The following CUX1 variants were observed in gnomAD, a reference collection of about 807,000 sequenced individuals.
The protein encoded by CUX1 is cut like homeobox 1.
In CUX1, 31 loss-of-function variants were observed where a neutral mutation model predicts 158.8. The ratio of observed to expected loss-of-function variants is 0.20; its 90% CI spans 0.15 to 0.26. The LOEUF (loss-of-function observed/expected upper bound fraction) is 0.26, where lower values mean the gene tolerates loss of function less well. Ranked by LOEUF, CUX1 falls within the 10% of genes least tolerant of loss-of-function variation. CUX1 has a pLI of 1.00. For missense variants in CUX1, 1,589 were observed against 2,014.6 expected (o/e 0.79, Z 4.04); for synonymous variants, 879 against 862.1 (o/e 1.02, Z -0.34).
At chr7:101,920,326 G>A (rs181075446) in intron 2 of CUX1, among the ~76,000 whole-genome samples, 3 of 152,168 alleles carry the variant, frequency 2.0e-5, no homozygotes, top group East Asian at 1.9e-4. Context: ...GTTTCACCAT[G>A]TTGCCCAGGC....
At chr7:101,934,209 G>A (rs1187835279) in intron 2 of CUX1, among the ~76,000 whole-genome samples, 2 of 152,202 alleles carry the variant, frequency 1.3e-5, no homozygotes, top group Non-Finnish European at 2.9e-5. Flanking sequence ...AAGTTGTACA[G>A]TATAAATTTG....
chr7:102,196,128 C>T (rs1794773308), intron 14 of CUX1, among the ~76,000 whole-genome samples: 1 of 152,246 alleles, frequency 6.6e-6, no homozygotes, highest in Non-Finnish European at 1.5e-5. Context: ...GCTGGTAAAA[C>T]GCGTACAGGT....
At chr7:102,237,190 A>C (rs1799661700) in intron 22 of CUX1, among the ~76,000 whole-genome samples, 1 of 152,240 alleles carries the variant, frequency 6.6e-6, no homozygotes, top group South Asian at 2.1e-4. Flanking sequence ...TTCTCATGAC[A>C]AAATGGCAAG....
intron 1 of CUX1, among the ~76,000 whole-genome samples, chr7:101,890,523 G>A (rs1372396108): frequency 6.6e-6 from 1 of 152,076 alleles, no homozygotes. Flanking sequence ...GCTCAGCAAG[G>A]CCCGGCACCA....
chr7:101,999,415 C>CATAG (rs1345709008), intron 2 of CUX1, among the ~76,000 whole-genome samples: 1 of 152,050 alleles, frequency 6.6e-6, no homozygotes, highest in African/African-American at 2.4e-5. Flanking sequence ...TGTGCCTAAG[C>CATAG]ATAGCCCTTT....
At position 101,885,906 on chromosome 7, in the gene CUX1, G is replaced by A. The variant is rs144803612; in HGVS notation, c.31-30209G>A. 2.9e-4 allele frequency among the ~76,000 whole-genome samples: 44 copies of A among 152,286 alleles called. No individual in the cohort carries two copies. In the East Asian group the frequency reaches 8.5e-3, roughly 29 times the overall value. ...TCGGTCTCTCCCCACAAGCTCACAG[G>A]GCGGATGCTATTTTCACCGCCGTTT... On this transcript the variant is annotated intron_variant, in intron 1 of 23. Transcript: ENST00000292535.
chr7:102,252,982 C>T lies in CUX1; in HGVS notation c.*3940C>T, dbSNP rs1801675503. 8 of 985,422 alleles carry T rather than the reference C, an allele frequency of 8.1e-6. No individual in the cohort carries two copies. Among genetic ancestry groups the T allele is most frequent in the African/African-American group, 1.7e-5 (1 of 57,344 alleles). The allele number at this position is 985,422 out of a possible 1,614,324, so 61.0% of individuals were successfully genotyped here. On this transcript the variant is annotated 3_prime_UTR_variant, in exon 24 of 24. Coordinates refer to ENST00000292535, the MANE Select transcript of CUX1 (RefSeq NM_181552.4). The stretch of plus-strand genomic sequence containing the variant: ...AGAACTCTCTGAGAAATGCCAGGAT[C>T]GTGGCTCACAGGGACCCACCATCAA...
At position 101,869,279 on chromosome 7, in the gene CUX1, C is replaced by T. The variant is rs1029136260; in HGVS notation, c.31-46836C>T. Among the ~76,000 whole-genome samples the T allele has an allele frequency of 7.9e-5, 12 of 152,130 alleles. No individual in the cohort carries two copies. Among genetic ancestry groups the T allele is most frequent in the African/African-American group, 1.7e-4 (7 of 41,430 alleles). ...GGAGCATCACTGTGTCCAGAGGACG[C>T]GGTGCCTTTCAGACCCCTTGAGTAA... On this transcript the variant is annotated intron_variant, in intron 1 of 23. Coordinates refer to ENST00000292535, the MANE Select transcript of CUX1 (RefSeq NM_181552.4). The surrounding 1 kb of genome is among the most constrained non-coding windows in gnomAD (Gnocchi z 4.5).
chr7:102,061,009 C>T (rs887059786), intron 3 of CUX1, among the ~76,000 whole-genome samples: 1 of 149,400 alleles, frequency 6.7e-6, no homozygotes, highest in African/African-American at 2.5e-5. Flanking sequence ...ACTGCAACCT[C>T]CGCCTCCAGG....
intron 1 of CUX1, among the ~76,000 whole-genome samples, chr7:101,829,359 GC>G (rs1793728363): frequency 6.6e-6 from 1 of 152,098 alleles, no homozygotes; most frequent in South Asian, 2.1e-4. Flanking sequence ...ATGTTTTTGT[GC>G]ACTAACAGTA....
At position 102,015,517 on chromosome 7, in the gene CUX1, C is replaced by T. The variant is rs149085771; in HGVS notation, c.142-12581C>T. Among the ~76,000 whole-genome samples, 739 of 152,156 alleles carry T rather than the reference C, an allele frequency of 4.9e-3. 12 individuals carry two copies. The highest frequency in any genetic ancestry group is 0.034 in the East Asian group (176 of 5,166). On this transcript the variant is annotated intron_variant, in intron 2 of 23. Coordinates refer to ENST00000292535, the MANE Select transcript of CUX1 (RefSeq NM_181552.4). ...TGCTGGGGTTACAGGTGTGAGCCAC[C>T]GCATCCAGCCGAAAGGATACAGTTT...
chr7:101,838,968 TC>T (rs1051467906), intron 1 of CUX1, among the ~76,000 whole-genome samples: 3 of 152,240 alleles, frequency 2.0e-5, no homozygotes, highest in Admixed American at 1.3e-4. Context: ...CCAACGTGGT[TC>T]CTGGTGCGGG....
chr7:102,227,240 A>C (rs1193730754), intron 20 of CUX1, 127 bp from the exon 21 acceptor site: 4 of 812,978 alleles, frequency 4.9e-6, no homozygotes, highest in Non-Finnish European at 7.9e-6. Flanking sequence ...ACTAAGACCC[A>C]CAGAAAACCC....
chr7:102,123,140 A>C (rs1449193710), intron 8 of CUX1, among the ~76,000 whole-genome samples: 1 of 152,026 alleles, frequency 6.6e-6, no homozygotes, highest in Non-Finnish European at 1.5e-5. Flanking sequence ...CTAAGGTAGG[A>C]TAATTGCTTG....
intron 3 of CUX1, among the ~76,000 whole-genome samples, chr7:102,041,124 T>G (rs190831392): frequency 8.7e-5 from 13 of 148,820 alleles, no homozygotes; most frequent in African/African-American, 3.0e-4. Flanking sequence ...CTGTCTCTAC[T>G]AAAAATACAA....
chr7:102,169,609 C>T (rs925594318), intron 9 of CUX1, among the ~76,000 whole-genome samples: 20 of 152,206 alleles, frequency 1.3e-4, no homozygotes, highest in African/African-American at 4.8e-4. Context: ...ATTTTCCAGA[C>T]GGGTAGGCAG....
At chr7:101,955,487 A>G (rs1303651748) in intron 2 of CUX1, among the ~76,000 whole-genome samples, 1 of 152,182 alleles carries the variant, frequency 6.6e-6, no homozygotes, top group Non-Finnish European at 1.5e-5. Flanking sequence ...ACCGAGCTGG[A>G]GTTCCACCAG....
intron 2 of CUX1, among the ~76,000 whole-genome samples, chr7:101,919,434 G>A (rs1563009568): frequency 6.6e-6 from 1 of 152,096 alleles, no homozygotes; most frequent in Non-Finnish European, 1.5e-5. Context: ...TAGAAACGAG[G>A]CTTGCTTAGA....
intron 18 of CUX1, chr7:102,280,024 C>G: frequency 6.5e-7 from 1 of 1,532,584 alleles, no homozygotes. Flanking sequence ...TCTTCCCCTC[C>G]CTGTCTGTGC....
Sources: allele counts gnomAD v4.1 joint callset (sites outside exome capture counted in the v4.1 genomes callset), GRCh38; gene constraint gnomAD v4.1.1; non-coding constraint Gnocchi (gnomAD v3.1); transcripts MANE v1.5; gene names NCBI Gene and HGNC (gene_info 2026-07-23, HGNC 2026-07-21).